FSTL5: variants seen among roughly 807,000 people sequenced by gnomAD.
The protein encoded by FSTL5 is follistatin like 5.
Under a neutral mutation model 89.1 loss-of-function variants are expected in FSTL5, and 62 were observed. That is an observed-to-expected ratio of 0.70 (90% CI 0.57 to 0.86). The LOEUF (loss-of-function observed/expected upper bound fraction) is 0.86. FSTL5 is among the 40% of genes least tolerant of loss of function. The pLI is 0.00. For synonymous variants in FSTL5, 383 were observed against 346.2 expected (o/e 1.11, Z -1.18); for missense variants, 1,057 against 1,001.6 (o/e 1.06, Z -0.75).
At chr4:161,588,862 G>C (rs1035323726) in intron 7 of FSTL5, among the ~76,000 whole-genome samples, 3 of 151,952 alleles carry the variant, frequency 2.0e-5, no homozygotes, top group African/African-American at 7.3e-5. Context: ...GCTCCTCCAA[G>C]ACCTTATCCT....
At chr4:161,815,013 A>G (rs1015434465) in intron 4 of FSTL5, among the ~76,000 whole-genome samples, 1 of 152,102 alleles carries the variant, frequency 6.6e-6, no homozygotes, top group African/African-American at 2.4e-5. Flanking sequence ...CTGCTGTTGC[A>G]GATACTCATT....
intron 6 of FSTL5, among the ~76,000 whole-genome samples, chr4:161,716,038 A>G (rs1738967458): frequency 6.6e-6 from 1 of 152,180 alleles, no homozygotes; most frequent in Non-Finnish European, 1.5e-5. Flanking sequence ...AAACCCTTGC[A>G]ATAGTCTTAC....
In FSTL5 at chr4:161,920,597, C is replaced by T. The variant is rs1382415399; in HGVS notation, c.216G>A (p.Leu72=). 1 of 1,613,802 alleles carries T rather than the reference C, an allele frequency of 6.2e-7. No individual in the cohort carries two copies. Among genetic ancestry groups the T allele is most frequent in the Non-Finnish European group, 8.5e-7 (1 of 1,179,896 alleles). Residue 72 remains leucine, a synonymous_variant, in exon 4 of 16, where the codon TTG becomes TTA. Coordinates refer to ENST00000306100, the MANE Select transcript of FSTL5 (RefSeq NM_020116.5). Reference sequence around the variant, plus strand: ...CTCTGCTGGTAACACAGTGTCTTCCCAAACCACAGTACTTATTTTCACAAG... The same window carrying T: ...CTCTGCTGGTAACACAGTGTCTTCCTAAACCACAGTACTTATTTTCACAAG... ...FGSCENKYCG[L]GRHCVTSRET... is the part of the protein sequence containing the mutation.
At chr4:161,779,716 T>C (rs1056494204) in intron 4 of FSTL5, among the ~76,000 whole-genome samples, 24 of 144,566 alleles carry the variant, frequency 1.7e-4, no homozygotes, top group Admixed American at 8.5e-4. Flanking sequence ...TAAAATTAAA[T>C]ATTTCATGAA....
intron 13 of FSTL5, among the ~76,000 whole-genome samples, chr4:161,461,288 C>CAAAAAAAAAAAAAA (rs781313697): frequency 2.8e-5 from 2 of 72,642 alleles, no homozygotes; most frequent in African/African-American, 6.7e-5. Flanking sequence ...ACTAAAAATA[C>CAAAAAAAAAAAAAA]AAAAAAAACA....
At chr4:161,828,653 T>C (rs1191735627) in intron 4 of FSTL5, among the ~76,000 whole-genome samples, 1 of 151,844 alleles carries the variant, frequency 6.6e-6, no homozygotes, top group Non-Finnish European at 1.5e-5. Context: ...TACTAGATTA[T>C]ATTATTTTCC....
At chr4:161,669,437 T>A (rs1737019341) in intron 6 of FSTL5, among the ~76,000 whole-genome samples, 2 of 151,950 alleles carry the variant, frequency 1.3e-5, no homozygotes, top group South Asian at 4.2e-4. Context: ...ACTGGTGAAA[T>A]AATAGACAAA....
rs531318825 is a variant in FSTL5 at position 161,797,516 on chromosome 4, T to C, written c.410-21442A>G. On this transcript the variant is annotated intron_variant, in intron 4 of 15. Transcript: ENST00000306100. ...TTTACTACACTTGTAGTCTTAGCCA[T>C]TCTTGCAGAAAAATGACAAGTATTC... Among the ~76,000 whole-genome samples, 32 of 151,752 alleles carry C rather than the reference T, an allele frequency of 2.1e-4. No homozygotes were observed. In the Middle Eastern group the frequency reaches 0.014, roughly 65 times the overall value.
At chr4:161,587,702 G>T in intron 7 of FSTL5, 127 bp from the exon 8 acceptor site, 1 of 629,658 alleles carries the variant, frequency 1.6e-6, no homozygotes, top group Non-Finnish European at 2.7e-6. Flanking sequence ...ATCAAAATGA[G>T]CATTGTTGGG....
At chr4:161,563,505 C>T (rs1355772240) in intron 8 of FSTL5, among the ~76,000 whole-genome samples, 1 of 151,934 alleles carries the variant, frequency 6.6e-6, no homozygotes, top group Non-Finnish European at 1.5e-5. Flanking sequence ...TCAAAGTTGG[C>T]TCTAATTCAT....
At chr4:161,989,888 T>C (rs777539222) in intron 3 of FSTL5, among the ~76,000 whole-genome samples, 2 of 152,138 alleles carry the variant, frequency 1.3e-5, no homozygotes, top group African/African-American at 4.8e-5. Flanking sequence ...TGCATGTGTA[T>C]AGATCAATAT....
intron 6 of FSTL5, among the ~76,000 whole-genome samples, chr4:161,754,448 T>C (rs556246656): frequency 6.6e-6 from 1 of 152,270 alleles, no homozygotes; most frequent in South Asian, 2.1e-4. Flanking sequence ...TTCAAAAATC[T>C]ATCACATTTA....
chr4:161,797,613 G>A (rs1038557290), intron 4 of FSTL5, among the ~76,000 whole-genome samples: 1 of 151,382 alleles, frequency 6.6e-6, no homozygotes, highest in African/African-American at 2.4e-5. Flanking sequence ...CAATTATAAT[G>A]TACATGAACC....
intron 7 of FSTL5, among the ~76,000 whole-genome samples, chr4:161,629,403 C>A (rs1735423181): frequency 6.6e-6 from 1 of 152,040 alleles, no homozygotes; most frequent in African/African-American, 2.4e-5. Flanking sequence ...AGTGCGATGG[C>A]ATGATCTCGG....
At chr4:161,527,205 T>G (rs1476614989) in intron 10 of FSTL5, among the ~76,000 whole-genome samples, 1 of 152,188 alleles carries the variant, frequency 6.6e-6, no homozygotes, top group African/African-American at 2.4e-5. Context: ...TTTGAAGCAA[T>G]TGTGAATGGG....
intron 6 of FSTL5, among the ~76,000 whole-genome samples, chr4:161,679,455 C>T (rs1737441710): frequency 1.3e-5 from 2 of 151,716 alleles, no homozygotes; most frequent in African/African-American, 2.4e-5. Flanking sequence ...GGTCACATAA[C>T]TATTAAGTGG....
chr4:161,766,950 A>T (rs532941018), intron 5 of FSTL5, among the ~76,000 whole-genome samples: 1 of 147,328 alleles, frequency 6.8e-6, no homozygotes, highest in African/African-American at 2.5e-5. Flanking sequence ...ATAGATAGAT[A>T]GATAGATCTC....
intron 10 of FSTL5, among the ~76,000 whole-genome samples, chr4:161,523,818 T>G (rs1471587778): frequency 6.6e-6 from 1 of 152,168 alleles, no homozygotes; most frequent in Non-Finnish European, 1.5e-5. Context: ...GCCTACTATA[T>G]GTAAAAAATA....
intron 7 of FSTL5, among the ~76,000 whole-genome samples, chr4:161,602,608 A>G (rs1189143042): frequency 6.6e-6 from 1 of 152,146 alleles, no homozygotes; most frequent in African/African-American, 2.4e-5. Flanking sequence ...CAGGGGACCA[A>G]AGATAAAGAG....
Sources: gnomAD v4.1 joint callset for allele counts (sites outside exome capture counted in the v4.1 genomes callset) on GRCh38, gnomAD v4.1.1 for gene constraint, MANE v1.5 for transcripts, NCBI Gene and HGNC (gene_info 2026-07-23, HGNC 2026-07-21) for gene names.